The following ST7L variants were observed in gnomAD, a reference collection of about 807,000 sequenced individuals.
ST7L encodes suppressor of tumorigenicity 7 protein-like.
ST7L carries 57 observed loss-of-function variants against 72.5 expected under a neutral mutation model. The ratio of observed to expected loss-of-function variants is 0.79; its 90% CI spans 0.64 to 0.98. ST7L has a LOEUF of 0.98. Among genes scored for constraint, ST7L ranks in the 50% least tolerant of loss-of-function variants. The probability of loss-of-function intolerance (pLI) is 0.00; values close to 1 mark genes in which losing one functional copy is unlikely to be tolerated. For synonymous variants in ST7L, 221 were observed against 240.9 expected (o/e 0.92, Z 0.77); for missense variants, 576 against 672.2 (o/e 0.86, Z 1.58).
intron 3 of ST7L, among the ~76,000 whole-genome samples, chr1:112,606,033 T>C (rs146281737): frequency 6.6e-6 from 1 of 152,358 alleles, no homozygotes; most frequent in East Asian, 1.9e-4. Context: ...CTGTCCCACC[T>C]TCCCTGTCCC....
chr1:112,610,759 T>C (rs1057238983), intron 3 of ST7L, 82 bp downstream of exon 3: 13 of 1,509,236 alleles, frequency 8.6e-6, no homozygotes, highest in Non-Finnish European at 1.2e-5. Context: ...CACAGCACTC[T>C]GCTGTTTTGA....
chr1:112,536,296 A>G (rs931100795), intron 14 of ST7L, among the ~76,000 whole-genome samples: 1 of 152,194 alleles, frequency 6.6e-6, no homozygotes, highest in African/African-American at 2.4e-5. Flanking sequence ...AATTTAATAA[A>G]GAAGTATACA....
intron 6 of ST7L, 175 bp downstream of exon 6, chr1:112,591,350 C>A: frequency 1.8e-6 from 1 of 564,304 alleles, no homozygotes; most frequent in Admixed American, 3.6e-5. Flanking sequence ...TTTACAATTT[C>A]AGAAGCAAAA....
At chr1:112,619,407 G>GCCCCC (rs34583754), upstream of ST7L, 1 of 427,848 alleles carries the variant, frequency 2.3e-6, no homozygotes, top group African/African-American at 2.1e-5. Flanking sequence ...CTTTCACACC[G>GCCCCC]CCCCCCCCCC....
At chr1:112,566,294 CTTCTTTTTT>C (rs1401907900) in intron 11 of ST7L, among the ~76,000 whole-genome samples, 1 of 108,976 alleles carries the variant, frequency 9.2e-6, no homozygotes, top group Non-Finnish European at 1.7e-5. Flanking sequence ...TTTTCTTCTT[CTTCTTTTTT>C]TTTTTTTTTT....
chr1:112,524,292 G>A lies in ST7L; in HGVS notation c.*1721C>T, dbSNP rs564471352. On this transcript the variant is annotated 3_prime_UTR_variant, in exon 15 of 15. Coordinates refer to ENST00000358039, the MANE Select transcript of ST7L (RefSeq NM_017744.5). Reference sequence around the variant, plus strand: ...GTCTTTCTGAGGTTTTTATTTAAATGCACTCAGTGGTCATAGGGCAGAAGC... The same window carrying A: ...GTCTTTCTGAGGTTTTTATTTAAATACACTCAGTGGTCATAGGGCAGAAGC... The A allele has an allele frequency of 6.6e-6, 1 of 152,630 alleles. No homozygotes were observed. Among genetic ancestry groups the A allele is most frequent in the Admixed American group, 6.5e-5 (1 of 15,284 alleles). The allele number at this position is 152,630 out of a possible 1,614,324, so 9.5% of individuals were successfully genotyped here.
chr1:112,612,488 AT>A (rs1279420420), intron 2 of ST7L, among the ~76,000 whole-genome samples: 2 of 152,120 alleles, frequency 1.3e-5, no homozygotes, highest in African/African-American at 2.4e-5. Context: ...TAGGAATGTT[AT>A]TTTTTTGCTT....
intron 5 of ST7L, among the ~76,000 whole-genome samples, chr1:112,595,098 G>A (rs932944826): frequency 1.3e-5 from 2 of 151,986 alleles, no homozygotes; most frequent in African/African-American, 4.8e-5. Flanking sequence ...GGGCGTGGTC[G>A]CTCACGCCTG....
At chr1:112,583,888 G>A in intron 7 of ST7L, 84 bp downstream of exon 7, 1 of 1,477,800 alleles carries the variant, frequency 6.8e-7, no homozygotes, top group Non-Finnish European at 9.1e-7. Context: ...TAAGTATTAA[G>A]TTTTTTATTA....
chr1:112,602,982 T>G (rs1433326157), intron 3 of ST7L, among the ~76,000 whole-genome samples: 1 of 151,448 alleles, frequency 6.6e-6, no homozygotes, highest in Non-Finnish European at 1.5e-5. Flanking sequence ...CCTCCCAAAC[T>G]GCTGGGATTA....
At chr1:112,590,533 T>A (rs1220475597) in intron 6 of ST7L, among the ~76,000 whole-genome samples, 2 of 152,208 alleles carry the variant, frequency 1.3e-5, no homozygotes, top group African/African-American at 4.8e-5. Context: ...ATAGCGTATA[T>A]ACTTGGGGGA....
chr1:112,618,754 A>C, intron 1 of ST7L, 155 bp downstream of exon 1: 1 of 1,412,136 alleles, frequency 7.1e-7, no homozygotes, highest in Admixed American at 2.9e-5. Flanking sequence ...ATCAACTGCA[A>C]GGTTGCAGCC....
intron 3 of ST7L, among the ~76,000 whole-genome samples, chr1:112,603,549 T>A (rs952527270): frequency 6.6e-6 from 1 of 152,234 alleles, no homozygotes; most frequent in African/African-American, 2.4e-5. Flanking sequence ...TACACTTCAA[T>A]CAAACACCAT....
At chr1:112,583,450 T>C (rs1388355230) in intron 7 of ST7L, among the ~76,000 whole-genome samples, 2 of 152,146 alleles carry the variant, frequency 1.3e-5, no homozygotes, top group Non-Finnish European at 2.9e-5. Context: ...AAGCACATCA[T>C]GGAGAAAAAT....
downstream of ST7L, among the ~76,000 whole-genome samples, chr1:112,519,875 T>C (rs79879352): frequency 1.7e-3 from 155 of 89,706 alleles, 1 homozygote; most frequent in East Asian, 0.025. Flanking sequence ...CATGCTTCTT[T>C]TTTTTTTTTT....
chr1:112,590,786 A>C (rs1396912533), intron 6 of ST7L, among the ~76,000 whole-genome samples: 1 of 152,176 alleles, frequency 6.6e-6, no homozygotes, highest in African/African-American at 2.4e-5. Flanking sequence ...AACTTGACAG[A>C]GCTATGTTTT....
downstream of ST7L, among the ~76,000 whole-genome samples, chr1:112,518,894 C>T (rs139387353): frequency 6.6e-6 from 1 of 152,212 alleles, no homozygotes; most frequent in Admixed American, 6.5e-5. Flanking sequence ...TTTCCTATCT[C>T]TGTTGTCCAA....
At chr1:112,608,612 A>G (rs1357695085) in intron 3 of ST7L, among the ~76,000 whole-genome samples, 1 of 152,216 alleles carries the variant, frequency 6.6e-6, no homozygotes, top group Non-Finnish European at 1.5e-5. Flanking sequence ...ATAAAATCAC[A>G]TCATGTGCTA....
chr1:112,520,683 G>C (rs1412307222), downstream of ST7L: 1 of 675,840 alleles, frequency 1.5e-6, no homozygotes, highest in Admixed American at 2.8e-5. Context: ...TTAGCCCTGG[G>C]AAGGAGTTGT....
Sources: gnomAD v4.1 joint callset for allele counts (sites outside exome capture counted in the v4.1 genomes callset) on GRCh38, gnomAD v4.1.1 for gene constraint, MANE v1.5 for transcripts, NCBI Gene and HGNC (gene_info 2026-07-23, HGNC 2026-07-21) for gene names.